ERGIC1: variants seen among roughly 807,000 people sequenced by gnomAD.
ERGIC1 encodes the protein endoplasmic reticulum-golgi intermediate compartment 1, also known as endoplasmic reticulum-Golgi intermediate compartment protein 1.
In ERGIC1, 19 loss-of-function variants were observed where a neutral mutation model predicts 38.3. The ratio of observed to expected loss-of-function variants is 0.50; its 90% CI spans 0.35 to 0.73. The LOEUF (loss-of-function observed/expected upper bound fraction) is 0.73. Ranked by LOEUF, ERGIC1 falls within the 30% of genes least tolerant of loss-of-function variation. The pLI is 0.01. For missense variants in ERGIC1, 294 were observed against 389.2 expected, an observed-to-expected ratio of 0.76 and a Z score of 2.06; for synonymous variants, 124 against 157.6, an observed-to-expected ratio of 0.79 and a Z score of 1.60.
At chr5:172,946,283 T>C (rs566633830) in intron 9 of ERGIC1, among the ~76,000 whole-genome samples, 1 of 152,318 alleles carries the variant, frequency 6.6e-6, no homozygotes, top group South Asian at 2.1e-4. Context: ...TGCAATTTGC[T>C]TTCTTTTCAG....
At chr5:172,928,696 T>C (rs1283498593) in intron 7 of ERGIC1, among the ~76,000 whole-genome samples, 1 of 152,180 alleles carries the variant, frequency 6.6e-6, no homozygotes, top group African/African-American at 2.4e-5. Flanking sequence ...ATAAGAGGCC[T>C]GGAGGCCACT....
intron 1 of ERGIC1, among the ~76,000 whole-genome samples, chr5:172,886,526 G>T (rs1395380465): frequency 6.6e-6 from 1 of 152,182 alleles, no homozygotes; most frequent in Admixed American, 6.5e-5. Context: ...GCCAAGGGTT[G>T]ATTTTTATCT....
At position 172,889,511 on chromosome 5, in the gene ERGIC1, G is replaced by C. The variant is rs557545271; in HGVS notation, c.82+751G>C. Among the ~76,000 whole-genome samples, 27 of 152,284 alleles carry C rather than the reference G, an allele frequency of 1.8e-4. No individual in the cohort carries two copies. The South Asian group carries it at 5.6e-3, about 32-fold the overall frequency. ...AAATGGCTGATTTCAGGGCTAGGCA[G>C]GGTAAAGATAGAGGAGCCTGGAGTG... On this transcript the variant is annotated intron_variant, in intron 2 of 9. Coordinates refer to ENST00000393784, the MANE Select transcript of ERGIC1 (RefSeq NM_001031711.3).
intron 9 of ERGIC1, among the ~76,000 whole-genome samples, chr5:172,940,161 T>C (rs1763978938): frequency 6.6e-6 from 1 of 152,040 alleles, no homozygotes; most frequent in African/African-American, 2.4e-5. Context: ...CCCAGATGCA[T>C]TGCCAAGTGT....
At chr5:172,922,684 G>T (rs560456045) in intron 5 of ERGIC1, among the ~76,000 whole-genome samples, 6 of 152,380 alleles carry the variant, frequency 3.9e-5, no homozygotes, top group Non-Finnish European at 7.3e-5. Context: ...GCAGCAGGAG[G>T]CCAAGCGGTG....
chr5:172,883,087 G>A (rs1012201946), intron 1 of ERGIC1, among the ~76,000 whole-genome samples: 3 of 152,112 alleles, frequency 2.0e-5, no homozygotes. Context: ...CATGCTCTAA[G>A]TGTGATTAAG....
At chr5:172,890,988 G>A (rs1762546129) in intron 2 of ERGIC1, among the ~76,000 whole-genome samples, 1 of 152,214 alleles carries the variant, frequency 6.6e-6, no homozygotes, top group Non-Finnish European at 1.5e-5. Flanking sequence ...TCTGTGTTCG[G>A]GCAGAGCAAG....
chr5:172,856,367 T>C (rs781021468), intron 1 of ERGIC1, among the ~76,000 whole-genome samples: 1 of 152,190 alleles, frequency 6.6e-6, no homozygotes. Flanking sequence ...GGAACAGTGC[T>C]TGACTGGAAG....
At chr5:172,876,751 C>A (rs1435419485) in intron 1 of ERGIC1, among the ~76,000 whole-genome samples, 4 of 152,170 alleles carry the variant, frequency 2.6e-5, no homozygotes, top group African/African-American at 9.7e-5. Context: ...TCTCCCTGGG[C>A]AGCTGATGAT....
chr5:172,878,564 A>G (rs1418294442), intron 1 of ERGIC1, among the ~76,000 whole-genome samples: 1 of 152,060 alleles, frequency 6.6e-6, no homozygotes, highest in Non-Finnish European at 1.5e-5. Context: ...CATAGCTGTG[A>G]TTGTTACTAT....
chr5:172,888,310 A>C (rs954667066), intron 1 of ERGIC1, among the ~76,000 whole-genome samples: 3 of 152,088 alleles, frequency 2.0e-5, no homozygotes, highest in African/African-American at 7.2e-5. Flanking sequence ...AAATACAAAA[A>C]TTAGCCAGGC....
At chr5:172,866,173 A>G (rs1279623507) in intron 1 of ERGIC1, among the ~76,000 whole-genome samples, 1 of 152,230 alleles carries the variant, frequency 6.6e-6, no homozygotes, top group Non-Finnish European at 1.5e-5. Context: ...CCTCAGCTCC[A>G]TGCTCTAGAG....
At chr5:172,946,982 G>A (rs1316787121) in intron 9 of ERGIC1, among the ~76,000 whole-genome samples, 1 of 151,832 alleles carries the variant, frequency 6.6e-6, no homozygotes, top group Admixed American at 6.6e-5. Flanking sequence ...TCAGGGGTTC[G>A]AGACTATCCT....
intron 2 of ERGIC1, among the ~76,000 whole-genome samples, chr5:172,893,719 AATTTGAAATTTATCTCTCTGC>A (rs1762625724): frequency 2.0e-5 from 3 of 151,202 alleles, no homozygotes; most frequent in Non-Finnish European, 4.4e-5. Flanking sequence ...TGGAGAAAAC[AATTTGAAATTTATCTCTCTGC>A]CGTTCGAAAA....
At chr5:172,891,008 C>T (rs1762546464) in intron 2 of ERGIC1, among the ~76,000 whole-genome samples, 3 of 152,230 alleles carry the variant, frequency 2.0e-5, no homozygotes, top group Admixed American at 6.5e-5. Context: ...GGTTCATCCT[C>T]CCATTTAGCA....
At chr5:172,884,657 C>T (rs1164861649) in intron 1 of ERGIC1, among the ~76,000 whole-genome samples, 1 of 152,054 alleles carries the variant, frequency 6.6e-6, no homozygotes, top group African/African-American at 2.4e-5. Context: ...TTTTCCTGCC[C>T]AGCCTAGAAT....
chr5:172,944,730 G>A (rs545822674), intron 9 of ERGIC1, among the ~76,000 whole-genome samples: 2 of 152,324 alleles, frequency 1.3e-5, no homozygotes, highest in South Asian at 4.1e-4. Context: ...ACATGGATGA[G>A]AGGAGTCCAA....
intron 9 of ERGIC1, among the ~76,000 whole-genome samples, chr5:172,947,425 A>G (rs575886321): frequency 6.6e-6 from 1 of 152,140 alleles, no homozygotes; most frequent in Admixed American, 6.6e-5. Context: ...CAACCCTTCC[A>G]TCTCCCGAAG....
chr5:172,868,567 C>T (rs186507902), intron 1 of ERGIC1, among the ~76,000 whole-genome samples: 5 of 152,198 alleles, frequency 3.3e-5, no homozygotes, highest in East Asian at 1.9e-4. Context: ...GATGAATAGG[C>T]GGAGCACGGA....
Sources: allele counts gnomAD v4.1 joint callset (sites outside exome capture counted in the v4.1 genomes callset), GRCh38; gene constraint gnomAD v4.1.1; transcripts MANE v1.5; gene names NCBI Gene and HGNC (gene_info 2026-07-23, HGNC 2026-07-21).